STX7: variants seen among roughly 807,000 people sequenced by gnomAD.
STX7 encodes the protein syntaxin-7.
In STX7, 34 loss-of-function variants were observed where a neutral mutation model predicts 39.6. The observed-to-expected ratio is 0.86, with a 90% CI of 0.65 to 1.14. The LOEUF (loss-of-function observed/expected upper bound fraction) is 1.14. Ranked by LOEUF, STX7 falls within the 50% of genes most tolerant of loss-of-function variation. STX7 has a pLI of 0.00. For synonymous variants in STX7, 119 were observed against 99.1 expected (o/e 1.20, Z -1.19); for missense variants, 284 against 310.4 (o/e 0.92, Z 0.64).
intron 2 of STX7, among the ~76,000 whole-genome samples, chr6:132,485,240 T>C (rs1021163247): frequency 4.6e-5 from 7 of 152,216 alleles, no homozygotes; most frequent in African/African-American, 1.2e-4. Context: ...TGTTGCTTTC[T>C]GTATTTTGCA....
chr6:132,485,159 T>C (rs1391691659), intron 2 of STX7, among the ~76,000 whole-genome samples: 4 of 152,166 alleles, frequency 2.6e-5, no homozygotes, highest in African/African-American at 7.2e-5. Flanking sequence ...TTGTTGTAGT[T>C]TGCAATTTCC....
chr6:132,490,579 C>T (rs1280296407), intron 2 of STX7, among the ~76,000 whole-genome samples: 1 of 152,092 alleles, frequency 6.6e-6, no homozygotes, highest in Non-Finnish European at 1.5e-5. Context: ...CGTGTACATA[C>T]GGCCAAAAGC....
At chr6:132,502,192 A>G (rs1281656373) in intron 2 of STX7, among the ~76,000 whole-genome samples, 1 of 152,222 alleles carries the variant, frequency 6.6e-6, no homozygotes, top group Non-Finnish European at 1.5e-5. Flanking sequence ...CTAGCATCTC[A>G]TTTAAATAAT....
intron 2 of STX7, among the ~76,000 whole-genome samples, chr6:132,477,148 C>T (rs1774894870): frequency 6.6e-6 from 1 of 152,046 alleles, no homozygotes; most frequent in Admixed American, 6.5e-5. Flanking sequence ...TAGCATTTGG[C>T]TAATTTAATA....
chr6:132,473,497 GTTTT>G (rs1241957879), intron 3 of STX7, among the ~76,000 whole-genome samples: 4 of 123,048 alleles, frequency 3.3e-5, no homozygotes, highest in Non-Finnish European at 1.7e-5. Flanking sequence ...TTATAGTTCA[GTTTT>G]TTTTTTTATT....
chr6:132,472,445 G>A (rs1483779088), intron 3 of STX7, 70 bp from the exon 4 acceptor site: 5 of 1,166,054 alleles, frequency 4.3e-6, no homozygotes, highest in Non-Finnish European at 4.8e-6. Flanking sequence ...TCTGCCTTTT[G>A]AATCAACACT....
intron 2 of STX7, among the ~76,000 whole-genome samples, chr6:132,479,538 G>C (rs1290592561): frequency 6.6e-6 from 1 of 152,132 alleles, no homozygotes; most frequent in Non-Finnish European, 1.5e-5. Flanking sequence ...GTATCTTGTT[G>C]GTACAGCCTT....
chr6:132,512,564 T>C (rs1775875405), intron 1 of STX7, among the ~76,000 whole-genome samples: 3 of 152,228 alleles, frequency 2.0e-5, no homozygotes, highest in Admixed American at 6.5e-5. Flanking sequence ...TTTCAGTTCC[T>C]CTATATTCGG....
chr6:132,489,074 C>T (rs938836355), intron 2 of STX7, among the ~76,000 whole-genome samples: 7 of 151,926 alleles, frequency 4.6e-5, no homozygotes, highest in African/African-American at 1.7e-4. Flanking sequence ...TGGTGGCACA[C>T]CCCTGTAGTC....
At position 132,489,040 on chromosome 6, in the gene STX7, A is replaced by G. The variant is rs1775211271; in HGVS notation, c.86-13378T>C. Among the ~76,000 whole-genome samples the G allele has an allele frequency of 2.0e-5, 3 of 152,138 alleles. No homozygotes were observed. In the South Asian group the frequency reaches 6.2e-4, roughly 32 times the overall value. On this transcript the variant is annotated intron_variant, in intron 2 of 9. Coordinates refer to ENST00000367941, the MANE Select transcript of STX7 (RefSeq NM_003569.3). ...AACATGGCGAAAACCCATCTCTTCTAAAGATACAAAAATTAGCCAAGTATG... is the reference window on the plus strand; with the variant it reads ...AACATGGCGAAAACCCATCTCTTCTGAAGATACAAAAATTAGCCAAGTATG...
intron 2 of STX7, among the ~76,000 whole-genome samples, chr6:132,489,540 T>C (rs969307907): frequency 6.6e-6 from 1 of 152,242 alleles, no homozygotes; most frequent in African/African-American, 2.4e-5. Context: ...CTCTGTCTTA[T>C]GACCTGAAGA....
intron 9 of STX7, 142 bp from the exon 10 acceptor site, chr6:132,460,992 T>C: frequency 1.6e-6 from 1 of 637,630 alleles, no homozygotes. Flanking sequence ...TTGACTGTGT[T>C]TTTTTGTTCC....
intron 1 of STX7, 30 bp from the exon 2 acceptor site, chr6:132,503,618 T>C (rs1191876410): frequency 5.0e-6 from 5 of 994,868 alleles, no homozygotes; most frequent in Non-Finnish European, 7.6e-6. Flanking sequence ...CACAGATATA[T>C]TTTTTAAGTT....
Position 132,456,139 on chromosome 6 carries a change from C to G in STX7, c.*4619G>C, listed in dbSNP as rs963047895. On this transcript the variant is annotated 3_prime_UTR_variant, in exon 10 of 10. Coordinates refer to ENST00000367941, the MANE Select transcript of STX7 (RefSeq NM_003569.3). ...AATCCAACTGCTGCCACCAAGAGAA[C>G]GGCTCCTTTTTGGAGCCATTACACA... is the stretch of plus-strand genomic sequence containing the variant. The G allele has an allele frequency of 6.6e-6, 1 of 152,100 alleles. No homozygotes were observed. Among genetic ancestry groups the G allele is most frequent in the Non-Finnish European group, 1.5e-5 (1 of 68,030 alleles). The allele number at this position is 152,100 out of a possible 1,614,324, so 9.4% of individuals were successfully genotyped here.
chr6:132,505,763 A>AAAAC (rs1554252693), intron 1 of STX7, among the ~76,000 whole-genome samples: 3 of 129,956 alleles, frequency 2.3e-5, no homozygotes, highest in East Asian at 2.6e-4. Context: ...AAAAAAAAAA[A>AAAAC]ACACAGGTTT....
intron 1 of STX7, among the ~76,000 whole-genome samples, chr6:132,506,864 C>A (rs62424919): frequency 0.081 from 12,271 of 151,946 alleles, 662 homozygotes; most frequent in East Asian, 0.16. Flanking sequence ...GCAATATTCA[C>A]AAGAACAAAG....
intron 2 of STX7, among the ~76,000 whole-genome samples, chr6:132,480,522 C>T (rs754793850): frequency 6.6e-6 from 1 of 152,170 alleles, no homozygotes; most frequent in African/African-American, 2.4e-5. Context: ...AAAACAATCA[C>T]GTTTTCAAGA....
chr6:132,492,748 C>T (rs369026976), intron 2 of STX7, among the ~76,000 whole-genome samples: 2 of 151,598 alleles, frequency 1.3e-5, no homozygotes, highest in Admixed American at 1.3e-4. Flanking sequence ...AAACAATGCA[C>T]AAAAAAAGGA....
chr6:132,510,682 T>A (rs1775823960), intron 1 of STX7, among the ~76,000 whole-genome samples: 2 of 152,228 alleles, frequency 1.3e-5, no homozygotes, highest in Non-Finnish European at 2.9e-5. Context: ...ACCACTTCCA[T>A]TATCACAGAA....
Sources: allele counts gnomAD v4.1 joint callset (sites outside exome capture counted in the v4.1 genomes callset), GRCh38; gene constraint gnomAD v4.1.1; transcripts MANE v1.5; gene names NCBI Gene and HGNC (gene_info 2026-07-23, HGNC 2026-07-21).